Variants in BBS9 observed in about 807,000 individuals in gnomAD.
BBS9 encodes protein PTHB1.
A neutral mutation model predicts 117.7 loss-of-function variants in BBS9; 89 were observed. That is an observed-to-expected ratio of 0.76 (90% CI 0.64 to 0.90). The LOEUF is 0.90. Ranked by LOEUF, BBS9 falls within the 40% of genes least tolerant of loss-of-function variation. The probability of loss-of-function intolerance (pLI) is 0.00; values close to 1 mark genes in which losing one functional copy is unlikely to be tolerated. For missense variants in BBS9, 982 were observed against 1,042.2 expected (o/e 0.94, Z 0.80); for synonymous variants, 379 against 370.9 (o/e 1.02, Z -0.25).
Position 33,605,178 on chromosome 7 carries a change from A to G in BBS9, c.2633-17A>G. The G allele has an allele frequency of 6.2e-7, 1 of 1,605,606 alleles. No homozygotes were observed. The highest frequency in any genetic ancestry group is 8.5e-7 in the Non-Finnish European group (1 of 1,172,678). ...GATCTTTTCTCTCTCTTTCTCTCTTACTCTCTTTTTTTCCAGAAGTTTCAC... is the reference window on the plus strand; with the variant it reads ...GATCTTTTCTCTCTCTTTCTCTCTTGCTCTCTTTTTTTCCAGAAGTTTCAC... On this transcript the variant is annotated splice_polypyrimidine_tract_variant and intron_variant, in intron 22 of 22. Transcript: ENST00000242067.
chr7:33,291,165 C>G (rs1453565236), intron 9 of BBS9, among the ~76,000 whole-genome samples: 1 of 152,082 alleles, frequency 6.6e-6, no homozygotes, highest in Non-Finnish European at 1.5e-5. Flanking sequence ...TTTGTGTTTA[C>G]TAGCATAGAA....
chr7:33,402,229 A>G (rs532791282), intron 19 of BBS9, among the ~76,000 whole-genome samples: 3 of 152,288 alleles, frequency 2.0e-5, no homozygotes, highest in African/African-American at 7.2e-5. Context: ...GATTACATTG[A>G]AATTTCTCAC....
At chr7:33,486,438 T>C (rs970032616) in intron 19 of BBS9, among the ~76,000 whole-genome samples, 1 of 152,224 alleles carries the variant, frequency 6.6e-6, no homozygotes, top group Non-Finnish European at 1.5e-5. Context: ...ATTAAATTTG[T>C]TTAAATCAAA....
At chr7:33,153,473 C>G (rs1430783723) in intron 3 of BBS9, among the ~76,000 whole-genome samples, 1 of 152,162 alleles carries the variant, frequency 6.6e-6, no homozygotes, top group Non-Finnish European at 1.5e-5. Context: ...TAAAATTAAG[C>G]TTGTATTTCT....
At chr7:33,316,177 G>A (rs1810467706) in intron 9 of BBS9, among the ~76,000 whole-genome samples, 1 of 152,032 alleles carries the variant, frequency 6.6e-6, no homozygotes, top group Admixed American at 6.5e-5. Flanking sequence ...GGTTTAAGTT[G>A]CCTATTCTAA....
rs1262639135 is a variant in BBS9, at chr7:33,388,097, G to T, written c.2068G>T (p.Ala690Ser). The T allele has an allele frequency of 6.2e-7, 1 of 1,614,040 alleles. No individual in the cohort carries two copies. The highest frequency in any genetic ancestry group is 8.5e-7 in the Non-Finnish European group (1 of 1,179,984). ...LLARFKDKTP[A>S]PLQHLDTLLD... ...AGCAAGATTCAAAGATAAAACTCCT[G>T]CCCCTCTTCAACACCTGGACACCTT... Residue 690 changes from alanine (A) to serine (S), a missense_variant, in exon 19 of 23, where the codon GCC (alanine) becomes TCC (serine). Physicochemically the swap from Ala to Ser is moderately conservative, Grantham distance 99. Transcript: ENST00000242067.
chr7:33,317,927 C>T (rs1262167315), intron 9 of BBS9, among the ~76,000 whole-genome samples: 1 of 152,168 alleles, frequency 6.6e-6, no homozygotes, highest in Non-Finnish European at 1.5e-5. Flanking sequence ...GTGTGTCCAT[C>T]TGTAATTCCA....
rs775081992 is a variant in BBS9, at chr7:33,152,811, C to T, written c.223C>T (p.Arg75Ter). ...AEDLLLEVDL[R>*]DPVLQVEVGK... is the part of the protein sequence containing the mutation. The stretch of plus-strand genomic sequence containing the variant: ...AGATTTGCTTCTAGAAGTGGATCTA[C>T]GAGATCCAGTACTTCAAGTGGAAGT... Residue 75 changes from arginine to a stop codon, truncating the protein, a stop_gained, in exon 3 of 23, where the codon CGA becomes TGA. Transcript: ENST00000242067. LOFTEE classifies it high-confidence loss of function. 11 of 1,613,630 alleles carry T rather than the reference C, an allele frequency of 6.8e-6. No individual in the cohort carries two copies. Among genetic ancestry groups the T allele is most frequent in the Admixed American group, 6.7e-5 (4 of 60,006 alleles).
Position 33,364,018 on chromosome 7 carries a change from G to A in BBS9, c.1694-3749G>A, listed in dbSNP as rs1307311678. ...GGCTGGAGTGCAGTGGCGCGATCTC[G>A]GCTCACTGCAAGCTCCGCCTCCCGG... On this transcript the variant is annotated intron_variant, in intron 16 of 22. Transcript: ENST00000242067. Among the ~76,000 whole-genome samples, 3 of 33,470 alleles carry A rather than the reference G, an allele frequency of 9.0e-5. 1 individual carries two copies. The highest frequency in any genetic ancestry group is 1.9e-4 in the Non-Finnish European group (3 of 15,948). 22.0% of individuals were successfully genotyped at this position (33,470 alleles called of 152,430 possible).
intron 5 of BBS9, among the ~76,000 whole-genome samples, chr7:33,237,997 C>T (rs895973631): frequency 6.6e-6 from 1 of 152,136 alleles, no homozygotes; most frequent in African/African-American, 2.4e-5. Context: ...GAATAGAGAG[C>T]CATTTCATAT....
chr7:33,306,939 T>C (rs930007784), intron 9 of BBS9, among the ~76,000 whole-genome samples: 1 of 151,936 alleles, frequency 6.6e-6, no homozygotes, highest in African/African-American at 2.4e-5. Flanking sequence ...CTATAAGCAA[T>C]CTCTTGAATG....
intron 19 of BBS9, among the ~76,000 whole-genome samples, chr7:33,457,813 C>G (rs1462582115): frequency 1.3e-5 from 2 of 152,122 alleles, no homozygotes; most frequent in Admixed American, 6.6e-5. Context: ...AAAAATACAA[C>G]TTAACTTTTA....
chr7:33,346,267 A>G (rs1817571062), intron 12 of BBS9: 1 of 470,458 alleles, frequency 2.1e-6, no homozygotes, highest in African/African-American at 2.0e-5. Flanking sequence ...ATCATAATAA[A>G]TCCTGTTAAT....
chr7:33,296,295 A>T (rs1189173629), intron 9 of BBS9, among the ~76,000 whole-genome samples: 1 of 152,148 alleles, frequency 6.6e-6, no homozygotes, highest in Non-Finnish European at 1.5e-5. Flanking sequence ...TCTGTGGAAA[A>T]TATCACATAC....
chr7:33,252,330 A>G (rs1271196241), intron 5 of BBS9, among the ~76,000 whole-genome samples: 1 of 152,174 alleles, frequency 6.6e-6, no homozygotes, highest in East Asian at 1.9e-4. Context: ...GATCCAAACC[A>G]TATCATATGC....
intron 5 of BBS9, among the ~76,000 whole-genome samples, chr7:33,239,988 C>G (rs915595007): frequency 2.6e-5 from 4 of 152,120 alleles, no homozygotes; most frequent in African/African-American, 9.7e-5. Context: ...GGTGACAGAG[C>G]AAGACCCTGT....
intron 21 of BBS9, among the ~76,000 whole-genome samples, chr7:33,588,677 G>A (rs1043918503): frequency 2.0e-5 from 3 of 152,168 alleles, no homozygotes; most frequent in African/African-American, 4.8e-5. Flanking sequence ...CAGAAAAGGG[G>A]TGGGGGCCAC....
chr7:33,616,181 G>A (rs1352395583), intron 21 of BBS9, among the ~76,000 whole-genome samples: 1 of 145,368 alleles, frequency 6.9e-6, no homozygotes, highest in African/African-American at 2.7e-5. Flanking sequence ...TGATCTAACA[G>A]ATAATGTTTA....
intron 21 of BBS9, among the ~76,000 whole-genome samples, chr7:33,586,481 G>A (rs923240485): frequency 6.6e-6 from 1 of 152,102 alleles, no homozygotes; most frequent in Non-Finnish European, 1.5e-5. Flanking sequence ...ATAAAGAGCA[G>A]TTTGGAGATT....
Sources: gnomAD v4.1 joint callset for allele counts (sites outside exome capture counted in the v4.1 genomes callset) on GRCh38, gnomAD v4.1.1 for gene constraint, MANE v1.5 for transcripts, NCBI Gene and HGNC (gene_info 2026-07-23, HGNC 2026-07-21) for gene names.